Variants in RHOA observed in about 807,000 individuals in gnomAD.
The protein encoded by RHOA is ras homolog family member A.
Under a neutral mutation model 17.5 loss-of-function variants are expected in RHOA, and 3 were observed. The ratio of observed to expected loss-of-function variants is 0.17; its 90% CI spans 0.08 to 0.44. RHOA has a LOEUF of 0.44. Among genes scored for constraint, RHOA ranks in the 20% least tolerant of loss-of-function variants. The pLI is 0.99. For missense variants in RHOA, 56 were observed against 242.3 expected, an observed-to-expected ratio of 0.23 and a Z score of 5.10; for synonymous variants, 98 against 88.4, an observed-to-expected ratio of 1.11 and a Z score of -0.61.
At chr3:49,379,059 T>A (rs955084929) in intron 1 of RHOA, among the ~76,000 whole-genome samples, 11 of 152,266 alleles carry the variant, frequency 7.2e-5, no homozygotes, top group Non-Finnish European at 1.3e-4. Flanking sequence ...AAAACATATG[T>A]CCACATAACA....
At chr3:49,370,020 T>C (rs1385197170) in intron 2 of RHOA, among the ~76,000 whole-genome samples, 3 of 151,196 alleles carry the variant, frequency 2.0e-5, no homozygotes, top group Non-Finnish European at 4.4e-5. Flanking sequence ...TGAGTGGAGG[T>C]TGCAATGAGC....
rs541984745 is a variant in RHOA, at chr3:49,387,204, G to A, written c.-2-11613C>T. The stretch of plus-strand genomic sequence containing the variant: ...TCACACCTGTAATCCCAGCACTTTG[G>A]GAGGCCGAGGCGGGCGGATCATGAG... On this transcript the variant is annotated intron_variant, in intron 1 of 4. Coordinates refer to ENST00000418115, the MANE Select transcript of RHOA (RefSeq NM_001664.4). 1.6e-3 allele frequency among the ~76,000 whole-genome samples: 241 copies of A among 150,242 alleles called. 2 individuals carry two copies. Among genetic ancestry groups the A allele is most frequent in the African/African-American group, 5.6e-3 (227 of 40,792 alleles).
intron 1 of RHOA, among the ~76,000 whole-genome samples, chr3:49,401,041 C>CAAAAAAAAA (rs57354041): frequency 0.2 from 13,401 of 66,666 alleles, 2,561 homozygotes; most frequent in Non-Finnish European, 0.24. Context: ...GACTCCGTCT[C>CAAAAAAAAA]AAAAAAAAAA....
intron 3 of RHOA, among the ~76,000 whole-genome samples, chr3:49,364,516 CTG>C (rs1239779744): frequency 6.6e-6 from 1 of 151,334 alleles, no homozygotes; most frequent in African/African-American, 2.4e-5. Context: ...AAAAAATTAA[CTG>C]GGCATGGTGG....
rs79049012 is a variant in RHOA at position 49,379,064 on chromosome 3, A to C, written c.-2-3473T>G. On this transcript the variant is annotated intron_variant, in intron 1 of 4. Coordinates refer to ENST00000418115, the MANE Select transcript of RHOA (RefSeq NM_001664.4). The stretch of plus-strand genomic sequence containing the variant: ...AAGAGAAACAAAAACATATGTCCAC[A>C]TAACAACTTGTACCTCTACATGAAT... Among the ~76,000 whole-genome samples, 1,498 of 152,330 alleles carry C rather than the reference A, an allele frequency of 9.8e-3. 9 individuals carry two copies. The highest frequency in any genetic ancestry group is 0.031 in the Middle Eastern group (9 of 294).
At chr3:49,368,593 C>CA (rs772564012) in intron 2 of RHOA, 45 bp from the exon 3 acceptor site, 2 of 1,611,268 alleles carry the variant, frequency 1.2e-6, no homozygotes, top group Non-Finnish European at 8.5e-7. Context: ...TTAATCCCCC[C>CA]ACCCACTTTT....
At chr3:49,372,362 C>T (rs147776203) in intron 2 of RHOA, among the ~76,000 whole-genome samples, 6 of 152,158 alleles carry the variant, frequency 3.9e-5, no homozygotes, top group African/African-American at 1.4e-4. Flanking sequence ...TTTTTTCCAT[C>T]TATACTTGGG....
At chr3:49,407,751 A>C (rs972339198) in intron 1 of RHOA, among the ~76,000 whole-genome samples, 52 of 152,018 alleles carry the variant, frequency 3.4e-4, no homozygotes, top group Non-Finnish European at 1.2e-4. Context: ...GCCCCTGCCC[A>C]CCTCTCTAAC....
chr3:49,399,182 A>AC, intron 1 of RHOA, among the ~76,000 whole-genome samples: 1 of 151,620 alleles, frequency 6.6e-6, no homozygotes, highest in East Asian at 1.9e-4. Context: ...ACCCTGGCTG[A>AC]CACAGTGAAA....
At chr3:49,403,724 T>TA (rs1258112766) in intron 1 of RHOA, among the ~76,000 whole-genome samples, 5 of 151,728 alleles carry the variant, frequency 3.3e-5, no homozygotes, top group Non-Finnish European at 5.9e-5. Context: ...GCCCTATGTC[T>TA]AAAAAAAATA....
At chr3:49,383,066 A>T (rs2048342788) in intron 1 of RHOA, among the ~76,000 whole-genome samples, 1 of 150,248 alleles carries the variant, frequency 6.7e-6, no homozygotes, top group Admixed American at 6.6e-5. Context: ...TCAGAAAAAA[A>T]AAAAGAAAAA....
intron 2 of RHOA, among the ~76,000 whole-genome samples, chr3:49,373,790 C>T (rs1237104140): frequency 1.3e-5 from 2 of 151,546 alleles, no homozygotes; most frequent in African/African-American, 2.4e-5. Context: ...AAGTACAATC[C>T]CTGTCTCTTT....
intron 3 of RHOA, among the ~76,000 whole-genome samples, chr3:49,363,128 G>A (rs759608405): frequency 2.0e-5 from 3 of 152,188 alleles, no homozygotes; most frequent in Non-Finnish European, 4.4e-5. Context: ...TGGCTGAAGA[G>A]TGACTTTTGG....
At chr3:49,364,279 G>A (rs1304159918) in intron 3 of RHOA, among the ~76,000 whole-genome samples, 2 of 152,036 alleles carry the variant, frequency 1.3e-5, no homozygotes, top group African/African-American at 4.8e-5. Context: ...CAGGTCGGGA[G>A]TTGGGAGACC....
At chr3:49,397,319 G>C (rs2048633374) in intron 1 of RHOA, among the ~76,000 whole-genome samples, 1 of 152,046 alleles carries the variant, frequency 6.6e-6, no homozygotes, top group African/African-American at 2.4e-5. Flanking sequence ...GTGGTGATAG[G>C]GAGATTGAAG....
chr3:49,376,431 C>T (rs1488679332), intron 1 of RHOA, among the ~76,000 whole-genome samples: 1 of 149,636 alleles, frequency 6.7e-6, no homozygotes, highest in African/African-American at 2.5e-5. Context: ...ATCACGAGGT[C>T]AGGAGATCGA....
chr3:49,407,658 C>T (rs953554758), intron 1 of RHOA, among the ~76,000 whole-genome samples: 7 of 152,136 alleles, frequency 4.6e-5, no homozygotes, highest in African/African-American at 1.7e-4. Flanking sequence ...ATGTCATTCC[C>T]TTTCTAAAGA....
intron 1 of RHOA, among the ~76,000 whole-genome samples, chr3:49,402,544 C>T (rs1238343013): frequency 6.6e-6 from 1 of 151,906 alleles, no homozygotes; most frequent in East Asian, 1.9e-4. Context: ...TATGGTGGTG[C>T]TTGCCTGTAG....
intron 1 of RHOA, among the ~76,000 whole-genome samples, chr3:49,376,548 C>G (rs1332293514): frequency 6.8e-6 from 1 of 147,036 alleles, no homozygotes; most frequent in Non-Finnish European, 1.5e-5. Context: ...GAGGCTGAGG[C>G]AGGAGAATGG....
Sources: gnomAD v4.1 joint callset for allele counts (sites outside exome capture counted in the v4.1 genomes callset) on GRCh38, gnomAD v4.1.1 for gene constraint, MANE v1.5 for transcripts, NCBI Gene and HGNC (gene_info 2026-07-23, HGNC 2026-07-21) for gene names.